HERC1: variants seen among roughly 807,000 people sequenced by gnomAD.
The protein encoded by HERC1 is probable E3 ubiquitin-protein ligase HERC1.
Under a neutral mutation model 554.3 loss-of-function variants are expected in HERC1, and 160 were observed. The ratio of observed to expected loss-of-function variants is 0.29; its 90% CI spans 0.25 to 0.33. The LOEUF (loss-of-function observed/expected upper bound fraction) is 0.33, where lower values mean the gene tolerates loss of function less well. HERC1 is among the 10% of genes least tolerant of loss of function. HERC1 has a pLI of 1.00. For synonymous variants in HERC1, 2,175 were observed against 2,131.7 expected, an observed-to-expected ratio of 1.02 and a Z score of -0.56; for missense variants, 4,919 against 5,918.5, an observed-to-expected ratio of 0.83 and a Z score of 5.54.
At chr15:63,662,156 A>G in intron 44 of HERC1, 135 bp from the exon 45 acceptor site, 1 of 996,672 alleles carries the variant, frequency 1.0e-6, no homozygotes, top group Non-Finnish European at 1.4e-6. Context: ...ATGCTAAATA[A>G]AAAATTTCTT....
intron 1 of HERC1, among the ~76,000 whole-genome samples, chr15:63,812,669 T>G (rs1366951885): frequency 6.6e-6 from 1 of 152,146 alleles, no homozygotes; most frequent in African/African-American, 2.4e-5. Flanking sequence ...CTTCTATGAA[T>G]GTATATTATA....
Position 63,723,192 on chromosome 15 carries a change from A to G in HERC1, c.3732T>C (p.Ala1244=). ...TCTTCTTTATCTTACCTTTACTAACAGCATAGTCCTGCATGCTGATCCAAA... is the reference window on the plus strand; with the variant it reads ...TCTTCTTTATCTTACCTTTACTAACGGCATAGTCCTGCATGCTGATCCAAA... ...RSLWISMQDY[A]VSKDWDSATL... The change falls in exon 19 of 78, where the codon GCT becomes GCC. Residue 1244 remains alanine (A), a synonymous_variant. Transcript: ENST00000443617. 2 of 1,484,352 alleles carry G rather than the reference A, an allele frequency of 1.3e-6. No individual in the cohort carries two copies. Among genetic ancestry groups the G allele is most frequent in the Non-Finnish European group, 1.8e-6 (2 of 1,111,272 alleles). The allele number at this position is 1,484,352 out of a possible 1,614,324, so 91.9% of individuals were successfully genotyped here. A position where few individuals can be genotyped will look rare whatever the true frequency, so the allele number is the denominator to read the frequency against.
At chr15:63,753,870 G>C (rs921852240) in intron 7 of HERC1, among the ~76,000 whole-genome samples, 1 of 152,106 alleles carries the variant, frequency 6.6e-6, no homozygotes, top group Non-Finnish European at 1.5e-5. Context: ...AGTCATGCTT[G>C]TTGATATAAA....
chr15:63,705,082 T>C (rs1009007338), intron 25 of HERC1, among the ~76,000 whole-genome samples: 3 of 152,098 alleles, frequency 2.0e-5, no homozygotes, highest in Non-Finnish European at 2.9e-5. Context: ...TGGTATGTTA[T>C]GGTCTCAAAA....
In HERC1 at chr15:63,749,903, T is replaced by C. The variant is rs1363347525; in HGVS notation, c.1903-112A>G. On this transcript the variant is annotated intron_variant, in intron 8 of 77. Transcript: ENST00000443617. This position sits in a 1 kb window ranked among gnomAD's most constrained non-coding sequence, Gnocchi z 4.1. ...AGTGTGGTTTGATAGTAAATAACTT[T>C]CTGATGTTAAAATCATTTTGATCAT... The C allele has an allele frequency of 5.8e-6, 5 of 869,016 alleles. No individual in the cohort carries two copies. Among genetic ancestry groups the C allele is most frequent in the Non-Finnish European group, 8.3e-6 (5 of 599,006 alleles). The allele number at this position is 869,016 out of a possible 1,614,324, so 53.8% of individuals were successfully genotyped here.
At chr15:63,632,138 G>A (rs6494418) in intron 68 of HERC1, among the ~76,000 whole-genome samples, 4,932 of 152,184 alleles carry the variant, frequency 0.032, 258 homozygotes, top group African/African-American at 0.11. Flanking sequence ...CCACAAACCA[G>A]CTCATGTCCT....
chr15:63,709,439 C>A (rs747642423), intron 24 of HERC1, among the ~76,000 whole-genome samples: 2 of 152,080 alleles, frequency 1.3e-5, no homozygotes, highest in Non-Finnish European at 2.9e-5. Flanking sequence ...GATCTGTTGT[C>A]CCCATTTATA....
rs753292764 is a variant in HERC1 at position 63,661,986 on chromosome 15, C to T, written c.8937G>A (p.Val2979=). The part of the protein sequence containing the change: ...VCESEDREEV[V]VCELCECSVV... Reference sequence around the variant, plus strand: ...CGCTGCATTCACACAGTTCACACACCACCACTTCTTCCCTGTCTTCAGACT... The same window carrying T: ...CGCTGCATTCACACAGTTCACACACTACCACTTCTTCCCTGTCTTCAGACT... The change falls in exon 45 of 78, where the codon GTG becomes GTA. Residue 2979 remains valine (V), a synonymous_variant. Transcript: ENST00000443617. The T allele has an allele frequency of 6.2e-7, 1 of 1,613,858 alleles. No individual in the cohort carries two copies. Among genetic ancestry groups the T allele is most frequent in the East Asian group, 2.2e-5 (1 of 44,880 alleles).
chr15:63,624,942 T>G (rs532584190), intron 71 of HERC1, among the ~76,000 whole-genome samples: 2 of 152,360 alleles, frequency 1.3e-5, no homozygotes, highest in Admixed American at 1.3e-4. Context: ...CTTCCAGTTC[T>G]CTTCTGTGTA....
chr15:63,684,058 T>C (rs201779072), intron 34 of HERC1, among the ~76,000 whole-genome samples: 1 of 152,218 alleles, frequency 6.6e-6, no homozygotes, highest in African/African-American at 2.4e-5. Context: ...GAAAAACATC[T>C]TGGATGCTGG....
intron 1 of HERC1, among the ~76,000 whole-genome samples, chr15:63,803,538 T>A (rs1357508050): frequency 6.6e-6 from 1 of 152,180 alleles, no homozygotes; most frequent in Non-Finnish European, 1.5e-5. Context: ...TCCTCCCACC[T>A]CTGCCTCCTA....
At chr15:63,768,527 G>C (rs1567106439) in intron 2 of HERC1, among the ~76,000 whole-genome samples, 1 of 152,202 alleles carries the variant, frequency 6.6e-6, no homozygotes, top group Non-Finnish European at 1.5e-5. Flanking sequence ...CTAGTTAGCT[G>C]TGAAGCATTT....
chr15:63,801,506 A>G (rs1032203909), intron 1 of HERC1, among the ~76,000 whole-genome samples: 1 of 152,220 alleles, frequency 6.6e-6, no homozygotes, highest in Admixed American at 6.5e-5. Flanking sequence ...TGCTGTGAGT[A>G]AAAACAGCAA....
chr15:63,684,636 T>C, intron 34 of HERC1, among the ~76,000 whole-genome samples: 1 of 152,266 alleles, frequency 6.6e-6, no homozygotes, highest in Non-Finnish European at 1.5e-5. Flanking sequence ...TGGGAAAATA[T>C]GGAGGAGTCG....
At chr15:63,784,144 A>T (rs2076369390) in intron 1 of HERC1, among the ~76,000 whole-genome samples, 1 of 152,188 alleles carries the variant, frequency 6.6e-6, no homozygotes, top group South Asian at 2.1e-4. Flanking sequence ...GGATGTCCTG[A>T]AGTCATCTAT....
chr15:63,638,996 G>A (rs1462569179), intron 61 of HERC1, among the ~76,000 whole-genome samples: 1 of 152,062 alleles, frequency 6.6e-6, no homozygotes, highest in Non-Finnish European at 1.5e-5. Context: ...TATCACTATG[G>A]CATTGGTGAT....
At chr15:63,822,920 G>A (rs2077754826) in intron 1 of HERC1, among the ~76,000 whole-genome samples, 1 of 152,174 alleles carries the variant, frequency 6.6e-6, no homozygotes, top group Admixed American at 6.5e-5. Flanking sequence ...ATTCTAGCCT[G>A]AGCAACTAGT....
chr15:63,803,869 A>G (rs1306136379), intron 1 of HERC1, among the ~76,000 whole-genome samples: 1 of 152,236 alleles, frequency 6.6e-6, no homozygotes, highest in Non-Finnish European at 1.5e-5. Flanking sequence ...TAAGCTTATT[A>G]TTAATATAAA....
At chr15:63,626,287 G>C (rs2068297343) in intron 70 of HERC1, 133 bp from the exon 71 acceptor site, 4 of 813,900 alleles carry the variant, frequency 4.9e-6, no homozygotes, top group Non-Finnish European at 7.6e-6. Context: ...TCTATCCATC[G>C]ATTCATCTTA....
Sources: gnomAD v4.1 joint callset for allele counts (sites outside exome capture counted in the v4.1 genomes callset) on GRCh38, gnomAD v4.1.1 for gene constraint, Gnocchi (gnomAD v3.1) non-coding constraint, MANE v1.5 for transcripts, NCBI Gene and HGNC (gene_info 2026-07-23, HGNC 2026-07-21) for gene names.